Variants in ZMAT4 observed in about 807,000 individuals in gnomAD.
ZMAT4 encodes zinc finger matrin-type protein 4.
Under a neutral mutation model 28.7 loss-of-function variants are expected in ZMAT4, and 17 were observed. The observed-to-expected ratio is 0.59, with a 90% CI of 0.41 to 0.89. ZMAT4 has a LOEUF of 0.89. Among genes scored for constraint, ZMAT4 ranks in the 40% least tolerant of loss-of-function variants. The probability of loss-of-function intolerance (pLI) is 0.00; values close to 1 mark genes in which losing one functional copy is unlikely to be tolerated. For synonymous variants in ZMAT4, 117 were observed against 109.2 expected, an observed-to-expected ratio of 1.07 and a Z score of -0.44; for missense variants, 240 against 283.8, an observed-to-expected ratio of 0.85 and a Z score of 1.11.
At chr8:40,672,538 C>G (rs1294676746) in intron 5 of ZMAT4, among the ~76,000 whole-genome samples, 1 of 152,134 alleles carries the variant, frequency 6.6e-6, no homozygotes, top group Non-Finnish European at 1.5e-5. Context: ...GCCTTTTTGT[C>G]TTCTGTATGA....
At chr8:40,743,163 A>G (rs886659230) in intron 3 of ZMAT4, among the ~76,000 whole-genome samples, 4 of 152,212 alleles carry the variant, frequency 2.6e-5, no homozygotes, top group African/African-American at 9.7e-5. Flanking sequence ...GAAAATAAAT[A>G]CATTTATTTA....
chr8:40,717,001 A>G (rs1693711865), intron 3 of ZMAT4, among the ~76,000 whole-genome samples: 2 of 152,222 alleles, frequency 1.3e-5, no homozygotes, highest in South Asian at 4.1e-4. Context: ...ATCTCTCTGG[A>G]TATAAAACTC....
chr8:40,875,333 A>G (rs1156571562), intron 1 of ZMAT4, among the ~76,000 whole-genome samples: 2 of 151,702 alleles, frequency 1.3e-5, no homozygotes, highest in Non-Finnish European at 2.9e-5. Flanking sequence ...CCAACCCCCC[A>G]GGTGTGGTGA....
At chr8:40,812,920 C>T (rs934558811) in intron 2 of ZMAT4, among the ~76,000 whole-genome samples, 1 of 145,242 alleles carries the variant, frequency 6.9e-6, no homozygotes, top group African/African-American at 2.6e-5. Context: ...GCGACAAGAG[C>T]AAAACTCCAT....
At chr8:40,662,926 G>T (rs549190289) in intron 5 of ZMAT4, among the ~76,000 whole-genome samples, 1 of 151,964 alleles carries the variant, frequency 6.6e-6, no homozygotes. Flanking sequence ...CCTCTGCCTT[G>T]GTCTCCTCCA....
At chr8:40,538,161 C>T (rs536669185) in intron 6 of ZMAT4, among the ~76,000 whole-genome samples, 4 of 152,270 alleles carry the variant, frequency 2.6e-5, no homozygotes, top group African/African-American at 7.2e-5. Context: ...AAACACTTTG[C>T]AACCTATTTT....
rs926372567 is a variant in ZMAT4, at chr8:40,626,362, G to T, written c.578-45101C>A. 2.4e-4 allele frequency among the ~76,000 whole-genome samples: 37 copies of T among 152,232 alleles called. No individual in the cohort carries two copies. The East Asian group carries it at 6.6e-3, about 27-fold the overall frequency. ...GTGTTTCTAGCTTAGTAAGATGAGG[G>T]TTCTGACAACATAGGAATTCATGGT... On this transcript the variant is annotated intron_variant, in intron 5 of 6. Coordinates refer to ENST00000297737, the MANE Select transcript of ZMAT4 (RefSeq NM_024645.3).
chr8:40,782,901 A>C (rs927938881), intron 2 of ZMAT4, among the ~76,000 whole-genome samples: 2 of 152,226 alleles, frequency 1.3e-5, no homozygotes, highest in African/African-American at 4.8e-5. Flanking sequence ...GGCCATCAGA[A>C]AGACAGACAA....
At chr8:40,837,494 C>G (rs143248537) in intron 1 of ZMAT4, among the ~76,000 whole-genome samples, 95 of 152,318 alleles carry the variant, frequency 6.2e-4, no homozygotes, top group African/African-American at 2.2e-3. Flanking sequence ...ACCTGAGTCA[C>G]TTGGCATGGC....
intron 2 of ZMAT4, among the ~76,000 whole-genome samples, chr8:40,808,119 T>C (rs1815165650): frequency 6.6e-6 from 1 of 152,152 alleles, no homozygotes; most frequent in Non-Finnish European, 1.5e-5. Context: ...GGTCAAATTA[T>C]GTCTCTGGAT....
intron 1 of ZMAT4, among the ~76,000 whole-genome samples, chr8:40,866,875 A>T (rs1817692209): frequency 6.6e-6 from 1 of 152,224 alleles, no homozygotes; most frequent in South Asian, 2.1e-4. Flanking sequence ...TACATATGGC[A>T]TACAAATCCC....
chr8:40,549,488 C>T (rs1803302488), intron 6 of ZMAT4, among the ~76,000 whole-genome samples: 1 of 152,116 alleles, frequency 6.6e-6, no homozygotes, highest in South Asian at 2.1e-4. Flanking sequence ...AACTAGTTTT[C>T]CCCCAAACCA....
intron 5 of ZMAT4, among the ~76,000 whole-genome samples, chr8:40,651,948 C>T (rs553749464): frequency 5.2e-4 from 62 of 119,286 alleles, no homozygotes; most frequent in African/African-American, 1.5e-3. Context: ...GGATTAAAGA[C>T]TTAAATGTTA....
intron 2 of ZMAT4, among the ~76,000 whole-genome samples, chr8:40,824,953 A>T (rs1285009778): frequency 1.3e-5 from 2 of 152,124 alleles, no homozygotes; most frequent in Non-Finnish European, 1.5e-5. Flanking sequence ...TGCTCCCAAT[A>T]GAGGATCAAA....
At chr8:40,539,682 A>G (rs1802964854) in intron 6 of ZMAT4, among the ~76,000 whole-genome samples, 1 of 152,220 alleles carries the variant, frequency 6.6e-6, no homozygotes, top group Non-Finnish European at 1.5e-5. Context: ...TAACCACTAA[A>G]CATTTAGAAA....
intron 6 of ZMAT4, among the ~76,000 whole-genome samples, chr8:40,542,633 C>T (rs1803076541): frequency 6.6e-6 from 1 of 152,154 alleles, no homozygotes; most frequent in African/African-American, 2.4e-5. Context: ...AACTGATCCA[C>T]CCGCTTCTGC....
chr8:40,828,678 A>T (rs559636282), intron 1 of ZMAT4, among the ~76,000 whole-genome samples: 17 of 152,240 alleles, frequency 1.1e-4, no homozygotes, highest in Non-Finnish European at 2.5e-4. Flanking sequence ...TCTGAAATCG[A>T]TGACACCTGA....
intron 2 of ZMAT4, among the ~76,000 whole-genome samples, chr8:40,783,530 A>G (rs1367142696): frequency 1.3e-5 from 2 of 152,206 alleles, no homozygotes; most frequent in Admixed American, 1.3e-4. Context: ...CCACCAAATA[A>G]CCATCACCAA....
intron 5 of ZMAT4, among the ~76,000 whole-genome samples, chr8:40,657,615 C>A: frequency 6.6e-6 from 1 of 152,144 alleles, no homozygotes; most frequent in East Asian, 1.9e-4. Context: ...TGGTCTTCAG[C>A]AATTTGACCA....
Sources: gnomAD v4.1 joint callset for allele counts (sites outside exome capture counted in the v4.1 genomes callset) on GRCh38, gnomAD v4.1.1 for gene constraint, MANE v1.5 for transcripts, NCBI Gene and HGNC (gene_info 2026-07-23, HGNC 2026-07-21) for gene names.